The following CHODL variants were observed in gnomAD, a reference collection of about 807,000 sequenced individuals.
CHODL encodes the protein chondrolectin, also known as transmembrane protein MT75.
CHODL carries 29 observed loss-of-function variants against 34.5 expected under a neutral mutation model. That is an observed-to-expected ratio of 0.84 (90% confidence interval 0.63 to 1.15). The LOEUF (loss-of-function observed/expected upper bound fraction) is 1.15, where lower values mean the gene tolerates loss of function less well. CHODL is among the 50% of genes most tolerant of loss of function. The probability of loss-of-function intolerance (pLI) is 0.00; values close to 1 mark genes in which losing one functional copy is unlikely to be tolerated. For missense variants in CHODL, 332 were observed against 332.5 expected, an observed-to-expected ratio of 1.00 and a Z score of 0.01; for synonymous variants, 125 against 116.1, an observed-to-expected ratio of 1.08 and a Z score of -0.49.
At chr21:18,005,658 G>C (rs899053428) in intron 1 of CHODL, among the ~76,000 whole-genome samples, 1 of 152,208 alleles carries the variant, frequency 6.6e-6, no homozygotes, top group Non-Finnish European at 1.5e-5. Context: ...TGCAAGTTAT[G>C]TTCCATCCCA....
At chr21:18,198,975 C>G (rs73316228) in intron 2 of CHODL, among the ~76,000 whole-genome samples, 261 of 152,118 alleles carry the variant, frequency 1.7e-3, no homozygotes, top group African/African-American at 6.0e-3. Flanking sequence ...ACTTTTCAGT[C>G]CCTGTCTACT....
At chr21:18,073,147 G>A (rs2064825428) in intron 2 of CHODL, among the ~76,000 whole-genome samples, 1 of 152,100 alleles carries the variant, frequency 6.6e-6, no homozygotes, top group Non-Finnish European at 1.5e-5. Flanking sequence ...TGATAATGAA[G>A]TGTCTATTAT....
chr21:17,940,706 C>T (rs984539557), intron 1 of CHODL, among the ~76,000 whole-genome samples: 1 of 152,174 alleles, frequency 6.6e-6, no homozygotes, highest in Admixed American at 6.5e-5. Flanking sequence ...GAATGCGTAG[C>T]ATGGTGTTGT....
chr21:17,952,696 T>A (rs925484339), intron 1 of CHODL, among the ~76,000 whole-genome samples: 7 of 152,198 alleles, frequency 4.6e-5, no homozygotes, highest in Admixed American at 3.9e-4. Context: ...ATTATGTTTT[T>A]AAAATGTTCT....
chr21:17,992,954 AG>A (rs1186371625), intron 1 of CHODL, among the ~76,000 whole-genome samples: 1 of 151,980 alleles, frequency 6.6e-6, no homozygotes, highest in Non-Finnish European at 1.5e-5. Context: ...CGCCCGGCCG[AG>A]GGTTTTTATT....
intron 1 of CHODL, among the ~76,000 whole-genome samples, chr21:17,928,248 A>G (rs1007837517): frequency 6.6e-6 from 1 of 152,340 alleles, no homozygotes; most frequent in Non-Finnish European, 1.5e-5. Context: ...CTTGTCTTCA[A>G]TGAATTTATA....
intron 2 of CHODL, among the ~76,000 whole-genome samples, chr21:18,181,458 A>C (rs774615383): frequency 1.2e-4 from 19 of 152,344 alleles, no homozygotes; most frequent in East Asian, 9.6e-4. Flanking sequence ...GCTGGAGTGC[A>C]CTGGCGGGAT....
At chr21:18,051,073 T>C (rs910743670) in intron 2 of CHODL, among the ~76,000 whole-genome samples, 7 of 151,834 alleles carry the variant, frequency 4.6e-5, no homozygotes, top group African/African-American at 1.5e-4. Flanking sequence ...TGCTATCCCT[T>C]CCCTAGTCCC....
At chr21:18,166,694 A>G (rs545124070) in intron 2 of CHODL, among the ~76,000 whole-genome samples, 2 of 152,074 alleles carry the variant, frequency 1.3e-5, no homozygotes, top group South Asian at 4.2e-4. Flanking sequence ...TATATTTTCA[A>G]ATTTTATCAA....
intron 2 of CHODL, among the ~76,000 whole-genome samples, chr21:18,075,504 G>A (rs2064853849): frequency 6.6e-6 from 1 of 151,090 alleles, no homozygotes; most frequent in Non-Finnish European, 1.5e-5. Flanking sequence ...ACTACCTATG[G>A]GAACTTGGGC....
At chr21:17,985,120 T>C (rs1464040736) in intron 1 of CHODL, among the ~76,000 whole-genome samples, 2 of 152,182 alleles carry the variant, frequency 1.3e-5, no homozygotes, top group Non-Finnish European at 2.9e-5. Flanking sequence ...ATTAAGTTTA[T>C]AGATTATTTT....
chr21:18,038,948 C>T (rs2064342923), intron 2 of CHODL, among the ~76,000 whole-genome samples: 1 of 151,226 alleles, frequency 6.6e-6, no homozygotes, highest in Admixed American at 6.6e-5. Flanking sequence ...AAATATGATC[C>T]CAGATATGTA....
intron 1 of CHODL, among the ~76,000 whole-genome samples, chr21:18,250,557 G>A (rs894972592): frequency 1.3e-5 from 2 of 151,840 alleles, no homozygotes; most frequent in Admixed American, 1.3e-4. Context: ...AAAAATAAAA[G>A]TTTATTATAA....
chr21:18,012,331 A>C (rs2064026976), intron 1 of CHODL, among the ~76,000 whole-genome samples: 1 of 152,164 alleles, frequency 6.6e-6, no homozygotes, highest in South Asian at 2.1e-4. Flanking sequence ...GACAATCTCT[A>C]TGTCAGGCCT....
chr21:18,245,440 G>T, intron 1 of CHODL, 138 bp downstream of exon 1: 1 of 652,394 alleles, frequency 1.5e-6, no homozygotes, highest in Non-Finnish European at 2.5e-6. Flanking sequence ...GAGGCGGGGA[G>T]AAATTGATTG....
At chr21:17,930,886 G>A (rs537763127) in intron 1 of CHODL, among the ~76,000 whole-genome samples, 2 of 152,338 alleles carry the variant, frequency 1.3e-5, no homozygotes, top group African/African-American at 4.8e-5. Context: ...ATTGAGCTGA[G>A]GGAAGAGATT....
rs375116292 is a variant in CHODL at position 18,266,010 on chromosome 21, C to T, written c.794C>T (p.Thr265Ile). The change falls in exon 6 of 6, where the codon ACC becomes ATC. Residue 265 changes from threonine to isoleucine, a missense_variant. Physicochemically the swap from Thr to Ile is moderately conservative, Grantham distance 89. Coordinates refer to ENST00000299295, the MANE Select transcript of CHODL (RefSeq NM_024944.3). Reference protein sequence around the residue: ...NQSTLWISKSTRKESGMEV With the variant: ...NQSTLWISKSIRKESGMEV ...TCTACACTGTGGATTTCAAAGAGTA[C>T]CAGAAAAGAAAGTGGCATGGAAGTA... The T allele has an allele frequency of 1.4e-5, 22 of 1,612,910 alleles. No homozygotes were observed. Among genetic ancestry groups the T allele is most frequent in the African/African-American group, 4.0e-5 (3 of 74,782 alleles).
rs971392431 is a variant in CHODL, at chr21:18,266,310, AGTT to A, written c.*276_*278del. ...CAAATGAAATGGACAATGCAGATAA[AGTT>A]GTTATCAACACGTCGGGAGTATGTG... On this transcript the variant is annotated 3_prime_UTR_variant, in exon 6 of 6. Coordinates refer to ENST00000299295, the MANE Select transcript of CHODL (RefSeq NM_024944.3). 5 of 1,000,522 alleles carry A rather than the reference AGTT, an allele frequency of 5.0e-6. No individual in the cohort carries two copies. The African/African-American group carries it at 6.6e-5, about 13-fold the overall frequency. The allele number at this position is 1,000,522 out of a possible 1,614,324, so 62.0% of individuals were successfully genotyped here.
chr21:18,256,785 A>G lies in CHODL; in HGVS notation c.356A>G (p.Tyr119Cys). Reference sequence around the variant, plus strand: ...ACATCTGGTGCCTGCCCAGATCTCTACCAGTGGTCTGATGGAAGCAATTCC... The same window carrying G: ...ACATCTGGTGCCTGCCCAGATCTCTGCCAGTGGTCTGATGGAAGCAATTCC... ...GQTSGACPDL[Y>C]QWSDGSNSQY... is the part of the protein sequence containing the mutation. The change falls in exon 2 of 6, where the codon TAC becomes TGC. Residue 119 changes from tyrosine to cysteine, a missense_variant. Transcript: ENST00000299295. The G allele has an allele frequency of 2.5e-6, 4 of 1,614,024 alleles. No homozygotes were observed. The highest frequency in any genetic ancestry group is 3.4e-6 in the Non-Finnish European group (4 of 1,179,956).
Sources: allele counts gnomAD v4.1 joint callset (sites outside exome capture counted in the v4.1 genomes callset), GRCh38; gene constraint gnomAD v4.1.1; transcripts MANE v1.5; gene names NCBI Gene and HGNC (gene_info 2026-07-23, HGNC 2026-07-21).